Variants in ACTN1 observed in about 807,000 individuals in gnomAD.
ACTN1 encodes the protein alpha-actinin-1.
ACTN1 carries 30 observed loss-of-function variants against 119.6 expected under a neutral mutation model. The ratio of observed to expected loss-of-function variants is 0.25; its 90% CI spans 0.19 to 0.34. ACTN1 has a LOEUF of 0.34. Among genes scored for constraint, ACTN1 ranks in the 10% least tolerant of loss-of-function variants. The probability of loss-of-function intolerance (pLI) is 1.00; values close to 1 mark genes in which losing one functional copy is unlikely to be tolerated. For missense variants in ACTN1, 764 were observed against 1,223.4 expected (o/e 0.62, Z 5.60); for synonymous variants, 429 against 472.6 (o/e 0.91, Z 1.20).
chr14:68,902,033 C>T (rs1346384084), intron 8 of ACTN1, among the ~76,000 whole-genome samples: 1 of 152,242 alleles, frequency 6.6e-6, no homozygotes, highest in Non-Finnish European at 1.5e-5. Context: ...TTTATGATGC[C>T]TTTGCCAAGT....
chr14:68,955,927 T>C lies in ACTN1; in HGVS notation c.105+23025A>G, dbSNP rs181080838. Among the ~76,000 whole-genome samples, 92 of 151,888 alleles carry C rather than the reference T, an allele frequency of 6.1e-4. 2 individuals are homozygous for C. Among genetic ancestry groups the C allele is most frequent in the Admixed American group, 6.0e-3 (91 of 15,246 alleles). On this transcript the variant is annotated intron_variant, in intron 1 of 21. Transcript: ENST00000394419. ...GAAATACTTGATTCACATTTGGGGG[T>C]GGCTAGTGAATTTACGGTCTAAGCC...
chr14:68,962,358 C>T (rs1234365166), intron 1 of ACTN1, among the ~76,000 whole-genome samples: 1 of 152,148 alleles, frequency 6.6e-6, no homozygotes, highest in African/African-American at 2.4e-5. Context: ...ATCCTTGGAA[C>T]TGGAAACCCA....
chr14:68,975,483 G>A (rs1283778929), intron 1 of ACTN1, among the ~76,000 whole-genome samples: 1 of 152,116 alleles, frequency 6.6e-6, no homozygotes, highest in African/African-American at 2.4e-5. Context: ...CTTGCCCAAG[G>A]TCACAAGCCT....
At chr14:68,942,362 C>G (rs535792245) in intron 1 of ACTN1, among the ~76,000 whole-genome samples, 1 of 137,176 alleles carries the variant, frequency 7.3e-6, no homozygotes, top group African/African-American at 2.9e-5. Flanking sequence ...ACCTGGGAGA[C>G]AGTGAGACCC....
intron 1 of ACTN1, among the ~76,000 whole-genome samples, chr14:68,962,913 C>T (rs2036585936): frequency 6.6e-6 from 1 of 152,198 alleles, no homozygotes. Context: ...TCAGGACAAG[C>T]CTGGTGCCTG....
chr14:68,928,847 A>G (rs1594829901), intron 1 of ACTN1, among the ~76,000 whole-genome samples: 1 of 151,864 alleles, frequency 6.6e-6, no homozygotes, highest in Admixed American at 6.6e-5. Context: ...CGTAGGTCCC[A>G]CCCCACCACG....
chr14:68,968,050 C>T (rs553937357), intron 1 of ACTN1, among the ~76,000 whole-genome samples: 1 of 152,292 alleles, frequency 6.6e-6, no homozygotes, highest in South Asian at 2.1e-4. Context: ...AAAATGGCAA[C>T]GTGGCATAGG....
chr14:68,962,490 C>CA (rs2140619946), intron 1 of ACTN1, among the ~76,000 whole-genome samples: 1 of 152,268 alleles, frequency 6.6e-6, no homozygotes, highest in Admixed American at 6.5e-5. Context: ...TCTCAGAACT[C>CA]AGAGTAAGGA....
intron 1 of ACTN1, among the ~76,000 whole-genome samples, chr14:68,934,592 T>C (rs1388386341): frequency 6.6e-6 from 1 of 152,162 alleles, no homozygotes; most frequent in African/African-American, 2.4e-5. Flanking sequence ...AGCCCAATTC[T>C]GGGCCACCAT....
chr14:68,924,464 G>A (rs1169163721), intron 2 of ACTN1, among the ~76,000 whole-genome samples: 4 of 152,198 alleles, frequency 2.6e-5, no homozygotes, highest in African/African-American at 9.7e-5. Context: ...ATACCTTTTT[G>A]GGAATAGTTA....
chr14:68,978,321 G>T (rs2037141788), intron 1 of ACTN1: 4 of 402,898 alleles, frequency 9.9e-6, no homozygotes, highest in South Asian at 1.8e-5. Flanking sequence ...TCCTGACCCC[G>T]CCCCCACAGG....
intron 1 of ACTN1, among the ~76,000 whole-genome samples, chr14:68,950,011 T>C (rs545443410): frequency 6.6e-6 from 1 of 152,194 alleles, no homozygotes; most frequent in African/African-American, 2.4e-5. Context: ...GTTCAGAAGA[T>C]GGGGCTGGGC....
chr14:68,924,240 C>T (rs2034800085), intron 2 of ACTN1, among the ~76,000 whole-genome samples: 1 of 152,156 alleles, frequency 6.6e-6, no homozygotes, highest in African/African-American at 2.4e-5. Context: ...CGCTGAACTG[C>T]ACCCTTTAAA....
intron 21 of ACTN1, 110 bp from the exon 22 acceptor site, chr14:68,875,127 A>G (rs567845825): frequency 1.3e-6 from 2 of 1,550,722 alleles, no homozygotes; most frequent in East Asian, 2.4e-5. Context: ...TGCCGTTTGC[A>G]TTTTGCCTCC....
chr14:68,903,835 C>T (rs921695856), intron 7 of ACTN1, among the ~76,000 whole-genome samples: 2 of 152,154 alleles, frequency 1.3e-5, no homozygotes, highest in African/African-American at 4.8e-5. Context: ...TCACCCCATC[C>T]GAGACGCTCT....
At chr14:68,896,429 G>A (rs2032885760) in intron 8 of ACTN1, among the ~76,000 whole-genome samples, 3 of 152,112 alleles carry the variant, frequency 2.0e-5, no homozygotes, top group Admixed American at 6.5e-5. Flanking sequence ...CACGGGACAC[G>A]ATCCCGGGAG....
Position 68,909,814 on chromosome 14 carries a change from C to A in ACTN1, c.515+141G>T. ...GGGGGATTCAGAGCGATGGCGACAT[C>A]CCCTTCCCAAGGAAAGCTACTTCTT... On this transcript the variant is annotated intron_variant, in intron 5 of 21. Coordinates refer to ENST00000394419, the MANE Select transcript of ACTN1 (RefSeq NM_001130004.2). The surrounding 1 kb of genome is among the most constrained non-coding windows in gnomAD (Gnocchi z 4.1). 1 of 685,426 alleles carries A rather than the reference C, an allele frequency of 1.5e-6. No homozygotes were observed. The highest frequency in any genetic ancestry group is 1.8e-5 in the South Asian group (1 of 54,706). The allele number at this position is 685,426 out of a possible 1,614,324, so 42.5% of individuals were successfully genotyped here. A position where few individuals can be genotyped will look rare whatever the true frequency, so the allele number is the denominator to read the frequency against.
chr14:68,945,080 C>T (rs1212042155), intron 1 of ACTN1, among the ~76,000 whole-genome samples: 4 of 150,440 alleles, frequency 2.7e-5, no homozygotes, highest in Non-Finnish European at 4.4e-5. Context: ...GTAGGAGAAT[C>T]GCTTGAACCC....
chr14:68,974,146 G>A (rs1171325137), intron 1 of ACTN1: 2 of 152,716 alleles, frequency 1.3e-5, no homozygotes, highest in Non-Finnish European at 2.9e-5. Flanking sequence ...CAGCTCAGGT[G>A]GGGTTAACTG....
Sources: gnomAD v4.1 joint callset for allele counts (sites outside exome capture counted in the v4.1 genomes callset) on GRCh38, gnomAD v4.1.1 for gene constraint, Gnocchi (gnomAD v3.1) non-coding constraint, MANE v1.5 for transcripts, NCBI Gene and HGNC (gene_info 2026-07-23, HGNC 2026-07-21) for gene names.